The following THSD7B variants were observed in gnomAD, a reference collection of about 807,000 sequenced individuals.
THSD7B encodes the protein thrombospondin type 1 domain containing 7B.
THSD7B carries 138 observed loss-of-function variants against 213.6 expected under a neutral mutation model. That is an observed-to-expected ratio of 0.65 (90% confidence interval 0.56 to 0.74). The LOEUF (loss-of-function observed/expected upper bound fraction) is 0.74, where lower values mean the gene tolerates loss of function less well. THSD7B is among the 30% of genes least tolerant of loss of function. The pLI, the probability that THSD7B is intolerant of heterozygous loss-of-function variation, is 0.00. For synonymous variants in THSD7B, 742 were observed against 687.0 expected (o/e 1.08, Z -1.25); for missense variants, 1,931 against 1,991.5 (o/e 0.97, Z 0.58).
intron 12 of THSD7B, among the ~76,000 whole-genome samples, chr2:137,329,997 T>C (rs1684461840): frequency 6.6e-6 from 1 of 152,172 alleles, no homozygotes; most frequent in East Asian, 1.9e-4. Flanking sequence ...GCTCCAGGCA[T>C]GGCTAAAAGG....
intron 1 of THSD7B, among the ~76,000 whole-genome samples, chr2:136,770,736 C>G (rs1407588570): frequency 6.6e-6 from 1 of 152,124 alleles, no homozygotes; most frequent in Non-Finnish European, 1.5e-5. Flanking sequence ...AGAATGAATG[C>G]AATCATTGGC....
Position 136,937,453 on chromosome 2 carries a change from C to T in THSD7B, c.139+55136C>T, listed in dbSNP as rs1291712716. Reference sequence around the variant, plus strand: ...GTGTCTTCTCTGAACTTGGATTGTCCGAGTTGGCAGGCGTACTTTATGCTG... The same window carrying T: ...GTGTCTTCTCTGAACTTGGATTGTCTGAGTTGGCAGGCGTACTTTATGCTG... On this transcript the variant is annotated intron_variant, in intron 2 of 27. Transcript: ENST00000409968. Among the ~76,000 whole-genome samples, 13 of 151,954 alleles carry T rather than the reference C, an allele frequency of 8.6e-5. No homozygotes were observed. In the South Asian group the frequency reaches 1.0e-3, roughly 12 times the overall value.
chr2:137,018,248 C>G (rs988337741), intron 2 of THSD7B, among the ~76,000 whole-genome samples: 2 of 152,004 alleles, frequency 1.3e-5, no homozygotes, highest in Non-Finnish European at 2.9e-5. Flanking sequence ...AAAATATTCT[C>G]ATTTAAAAAA....
At chr2:137,153,810 A>G (rs555926772) in intron 5 of THSD7B, among the ~76,000 whole-genome samples, 5 of 152,284 alleles carry the variant, frequency 3.3e-5, no homozygotes, top group African/African-American at 1.2e-4. Context: ...TGAATATATC[A>G]AGGGCAATAT....
intron 1 of THSD7B, among the ~76,000 whole-genome samples, chr2:136,864,275 A>G (rs1459327970): frequency 6.6e-6 from 1 of 152,198 alleles, no homozygotes; most frequent in African/African-American, 2.4e-5. Context: ...GGGTACACAC[A>G]GTGTGTTCTC....
chr2:137,628,021 T>G (rs1227880250), intron 20 of THSD7B, among the ~76,000 whole-genome samples: 1 of 152,230 alleles, frequency 6.6e-6, no homozygotes, highest in African/African-American at 2.4e-5. Flanking sequence ...TATCTATAAA[T>G]TGGAATTTTG....
intron 7 of THSD7B, among the ~76,000 whole-genome samples, chr2:137,214,579 C>T (rs1033419951): frequency 3.9e-5 from 6 of 152,036 alleles, no homozygotes; most frequent in Admixed American, 1.3e-4. Context: ...CTATCCCTCC[C>T]CTAGCCCCCC....
intron 2 of THSD7B, among the ~76,000 whole-genome samples, chr2:137,030,755 A>G (rs1041360431): frequency 6.6e-6 from 1 of 152,070 alleles, no homozygotes; most frequent in Admixed American, 6.5e-5. Flanking sequence ...GGTATAATGG[A>G]CACTGGAGAC....
intron 10 of THSD7B, among the ~76,000 whole-genome samples, chr2:137,257,325 G>C (rs1449332959): frequency 6.6e-6 from 1 of 152,164 alleles, no homozygotes; most frequent in Non-Finnish European, 1.5e-5. Context: ...ATAACTGGAT[G>C]ATTATGCAAA....
chr2:137,013,112 T>C (rs1413793124), intron 2 of THSD7B, among the ~76,000 whole-genome samples: 1 of 152,232 alleles, frequency 6.6e-6, no homozygotes, highest in Non-Finnish European at 1.5e-5. Context: ...TTCTGTGAAA[T>C]GTATAAATAA....
At chr2:137,351,522 T>A (rs1009812787) in intron 12 of THSD7B, among the ~76,000 whole-genome samples, 1 of 151,936 alleles carries the variant, frequency 6.6e-6, no homozygotes, top group Non-Finnish European at 1.5e-5. Context: ...CCACTAGGGA[T>A]CATTTCCAAC....
intron 7 of THSD7B, among the ~76,000 whole-genome samples, chr2:137,212,652 G>A (rs1681141411): frequency 8.7e-6 from 1 of 115,606 alleles, no homozygotes; most frequent in Non-Finnish European, 1.8e-5. Context: ...CAATTTTTTA[G>A]TGCACACAAA....
chr2:137,374,548 C>G (rs1685607411), intron 12 of THSD7B, among the ~76,000 whole-genome samples: 1 of 152,128 alleles, frequency 6.6e-6, no homozygotes, highest in Admixed American at 6.6e-5. Flanking sequence ...GTGGAAAATG[C>G]CTTCTAAGTG....
At chr2:137,486,572 TAGAC>T (rs1339096997) in intron 15 of THSD7B, among the ~76,000 whole-genome samples, 2 of 148,578 alleles carry the variant, frequency 1.3e-5, no homozygotes, top group African/African-American at 4.9e-5. Flanking sequence ...CTGTCAACAT[TAGAC>T]AGATCAACGA....
At chr2:137,153,248 A>G (rs916287067) in intron 5 of THSD7B, among the ~76,000 whole-genome samples, 6 of 151,918 alleles carry the variant, frequency 3.9e-5, no homozygotes, top group Non-Finnish European at 8.8e-5. Context: ...GTGTTTTTCT[A>G]TCTTTGCCTA....
At chr2:137,219,836 A>G (rs568201363) in intron 7 of THSD7B, among the ~76,000 whole-genome samples, 72 of 152,254 alleles carry the variant, frequency 4.7e-4, no homozygotes, top group African/African-American at 1.7e-3. Context: ...ATTATACTAA[A>G]TGGATACTAA....
chr2:137,056,625 G>A lies in THSD7B; in HGVS notation c.345G>A (p.Val115=). 6.2e-7 allele frequency: 1 copy of A among 1,613,992 alleles called. No homozygotes were observed. Among genetic ancestry groups the A allele is most frequent in the South Asian group, 1.1e-5 (1 of 91,082 alleles). ...AGGTTTCTGACTGGCACCACTGTGTGCTTGTTCCTTACGCTCGCGGTGAAG... is the reference window on the plus strand; with the variant it reads ...AGGTTTCTGACTGGCACCACTGTGTACTTGTTCCTTACGCTCGCGGTGAAG... ...QWEVSDWHHC[V]LVPYARGEVK... The change falls in exon 3 of 28, where the codon GTG becomes GTA. Residue 115 remains valine, a synonymous_variant. Coordinates refer to ENST00000409968, the MANE Select transcript of THSD7B (RefSeq NM_001316349.2).
intron 12 of THSD7B, among the ~76,000 whole-genome samples, chr2:137,391,106 A>C (rs1686016003): frequency 6.6e-6 from 1 of 151,906 alleles, no homozygotes; most frequent in Non-Finnish European, 1.5e-5. Context: ...GTTGTTGTTG[A>C]GAGACTTTAT....
chr2:137,316,033 G>A (rs1214727722), intron 12 of THSD7B, among the ~76,000 whole-genome samples: 1 of 151,800 alleles, frequency 6.6e-6, no homozygotes, highest in Non-Finnish European at 1.5e-5. Flanking sequence ...TTAAATTCTT[G>A]GTATTATGTG....
Sources: allele counts gnomAD v4.1 joint callset (sites outside exome capture counted in the v4.1 genomes callset), GRCh38; gene constraint gnomAD v4.1.1; transcripts MANE v1.5; gene names NCBI Gene and HGNC (gene_info 2026-07-23, HGNC 2026-07-21).